The following ZNF684 variants were observed in gnomAD, a reference collection of about 807,000 sequenced individuals.
ZNF684 encodes the protein hypothetical protein MGC27466.
A neutral mutation model predicts 12.8 loss-of-function variants in ZNF684; 13 were observed. The ratio of observed to expected loss-of-function variants is 1.02; its 90% CI spans 0.66 to 1.62. The LOEUF is 1.62. Among genes scored for constraint, ZNF684 ranks in the 40% most tolerant of loss-of-function variants. The pLI, the probability that ZNF684 is intolerant of heterozygous loss-of-function variation, is 0.00. For missense variants in ZNF684, 384 were observed against 446.9 expected (o/e 0.86, Z 1.27); for synonymous variants, 118 against 151.8 (o/e 0.78, Z 1.64).
chr1:40,539,276 G>A (rs538768167), intron 2 of ZNF684, among the ~76,000 whole-genome samples: 4 of 152,124 alleles, frequency 2.6e-5, no homozygotes, highest in South Asian at 2.1e-4. Flanking sequence ...TGATCCACCT[G>A]CCTCGGCCTC....
At chr1:40,546,172 C>A (rs1416160632) in intron 4 of ZNF684, among the ~76,000 whole-genome samples, 1 of 152,160 alleles carries the variant, frequency 6.6e-6, no homozygotes. Flanking sequence ...CTGCCCGCCT[C>A]GGCCTGCCAA....
rs762649663 is a variant in ZNF684, at chr1:40,546,895, A to C, written c.572A>C (p.Asp191Ala). The change falls in exon 5 of 5, where the codon GAC (aspartate) becomes GCC (alanine). Residue 191 changes from aspartate to alanine, a missense_variant. Physicochemically the swap from Asp to Ala is moderately radical, Grantham distance 126. Coordinates refer to ENST00000372699, the MANE Select transcript of ZNF684 (RefSeq NM_152373.4). ...AGGAAAAAACCTTTTGAATGCAATG[A>C]CTGTGGAAAAGCCTATAGCAGGAAG... is the stretch of plus-strand genomic sequence containing the variant. ...HTRKKPFECNDCGKAYSRKAH... is the reference protein window; with the variant it reads ...HTRKKPFECNACGKAYSRKAH... The C allele has an allele frequency of 6.2e-7, 1 of 1,614,124 alleles. No homozygotes were observed. The highest frequency in any genetic ancestry group is 1.1e-5 in the South Asian group (1 of 91,010).
chr1:40,534,536 C>T (rs911838773), intron 2 of ZNF684, among the ~76,000 whole-genome samples: 10 of 151,852 alleles, frequency 6.6e-5, no homozygotes, highest in East Asian at 1.9e-4. Flanking sequence ...CCACCGCACC[C>T]GGCCCTTTTA....
In ZNF684 at chr1:40,541,611, A is replaced by G. The variant is rs1646016780; in HGVS notation, c.143-4A>G. ...CCACTTCTATGCTGTTTTCCCACCA[A>G]CAGGATGTCCAATTACCAAAACAAA... On this transcript the variant is annotated splice_region_variant and splice_polypyrimidine_tract_variant and intron_variant, in intron 3 of 4. Coordinates refer to ENST00000372699, the MANE Select transcript of ZNF684 (RefSeq NM_152373.4). The G allele has an allele frequency of 6.2e-7, 1 of 1,612,060 alleles. No individual in the cohort carries two copies. Among genetic ancestry groups the G allele is most frequent in the Non-Finnish European group, 8.5e-7 (1 of 1,178,772 alleles).
intron 2 of ZNF684, among the ~76,000 whole-genome samples, chr1:40,538,922 T>C (rs1205675847): frequency 6.6e-6 from 1 of 152,044 alleles, no homozygotes; most frequent in Non-Finnish European, 1.5e-5. Context: ...TACAGGTAGC[T>C]CATGCCTGTA....
Position 40,546,728 on chromosome 1 carries a change from G to A in ZNF684, c.405G>A (p.Ser135=), listed in dbSNP as rs369347564. The change falls in exon 5 of 5, where the codon TCG becomes TCA. Residue 135 remains serine (S), a synonymous_variant. Transcript: ENST00000372699. Reference sequence around the variant, plus strand: ...CAATGAGAAAAAAATCATATAAATCGTTTGAGAAGTGTTTGCCACCTAATT... The same window carrying A: ...CAATGAGAAAAAAATCATATAAATCATTTGAGAAGTGTTTGCCACCTAATT... ...LNPMRKKSYK[S]FEKCLPPNLD... 1.3e-4 allele frequency: 203 copies of A among 1,613,734 alleles called. No homozygotes were observed. Among genetic ancestry groups the A allele is most frequent in the Middle Eastern group, 3.3e-4 (2 of 6,084 alleles).
At chr1:40,539,856 A>C (rs1229604996) in intron 2 of ZNF684, among the ~76,000 whole-genome samples, 1 of 151,874 alleles carries the variant, frequency 6.6e-6, no homozygotes, top group Non-Finnish European at 1.5e-5. Flanking sequence ...ATCTATGTCT[A>C]TATCTATATA....
At chr1:40,542,209 A>T (rs552423684) in intron 4 of ZNF684, among the ~76,000 whole-genome samples, 1 of 152,350 alleles carries the variant, frequency 6.6e-6, no homozygotes, top group African/African-American at 2.4e-5. Flanking sequence ...ATATGAGGTA[A>T]TACATGCAAA....
At chr1:40,533,531 A>G (rs554595504) in intron 2 of ZNF684, among the ~76,000 whole-genome samples, 8 of 152,376 alleles carry the variant, frequency 5.3e-5, no homozygotes, top group African/African-American at 1.7e-4. Flanking sequence ...TTTCACATAG[A>G]TAACATTAGA....
intron 2 of ZNF684, among the ~76,000 whole-genome samples, chr1:40,536,389 G>A (rs1428652203): frequency 2.4e-5 from 3 of 125,550 alleles, no homozygotes; most frequent in African/African-American, 9.1e-5. Flanking sequence ...GCGAGACTCC[G>A]TCTCACAAAA....
At chr1:40,541,909 G>A (rs966978777) in intron 4 of ZNF684, among the ~76,000 whole-genome samples, 199 bp downstream of exon 4, 13 of 152,156 alleles carry the variant, frequency 8.5e-5, no homozygotes, top group African/African-American at 3.1e-4. Flanking sequence ...CTCAGCTGTT[G>A]TATGGAGGGT....
At chr1:40,542,943 GA>G (rs1439213274) in intron 4 of ZNF684, among the ~76,000 whole-genome samples, 1 of 152,184 alleles carries the variant, frequency 6.6e-6, no homozygotes. Context: ...TCTTTCAAAT[GA>G]TTGACACCAA....
chr1:40,545,835 ACT>A (rs1394675853), intron 4 of ZNF684, among the ~76,000 whole-genome samples: 1 of 150,584 alleles, frequency 6.6e-6, no homozygotes, highest in East Asian at 1.9e-4. Flanking sequence ...GATTTATATA[ACT>A]CTGCCTGTTA....
intron 2 of ZNF684, among the ~76,000 whole-genome samples, chr1:40,533,885 G>A (rs554370573): frequency 1.7e-4 from 25 of 147,168 alleles, no homozygotes; most frequent in Non-Finnish European, 3.0e-4. Context: ...GTACAATGGC[G>A]TGATCTCAGC....
intron 4 of ZNF684, among the ~76,000 whole-genome samples, chr1:40,543,256 C>T (rs998228837): frequency 2.0e-5 from 3 of 152,184 alleles, no homozygotes; most frequent in African/African-American, 7.2e-5. Context: ...TTAGATATTT[C>T]TACAAGATTT....
At chr1:40,541,102 T>C (rs1206085635) in intron 3 of ZNF684, among the ~76,000 whole-genome samples, 1 of 151,322 alleles carries the variant, frequency 6.6e-6, no homozygotes, top group Non-Finnish European at 1.5e-5. Flanking sequence ...GGGCCCTACA[T>C]TTTAGTTGTC....
At chr1:40,546,312 G>T (rs1646047200) in intron 4 of ZNF684, among the ~76,000 whole-genome samples, 1 of 152,146 alleles carries the variant, frequency 6.6e-6, no homozygotes, top group Non-Finnish European at 1.5e-5. Flanking sequence ...CCCTCGTTGA[G>T]CAGCCTTTTG....
rs766961863 is a variant in ZNF684, at chr1:40,547,344, C to T, written c.1021C>T (p.His341Tyr). The T allele has an allele frequency of 6.2e-7, 1 of 1,613,974 alleles. No individual in the cohort carries two copies. Among genetic ancestry groups the T allele is most frequent in the Middle Eastern group, 1.6e-4 (1 of 6,062 alleles). Residue 341 changes from histidine (H) to tyrosine (Y), a missense_variant, in exon 5 of 5, where the codon CAT becomes TAT. Coordinates refer to ENST00000372699, the MANE Select transcript of ZNF684 (RefSeq NM_152373.4). ...ECGKAFIKKS[H>Y]LLRHQITHTG... ...TGGCAAAGCCTTCATCAAGAAGTCC[C>T]ATCTCCTCAGACATCAGATAACTCA...
At chr1:40,544,348 TA>T in intron 4 of ZNF684, 1 of 416,606 alleles carries the variant, frequency 2.4e-6, no homozygotes, top group Non-Finnish European at 4.7e-6. Flanking sequence ...AAATAAAAAG[TA>T]AAAGTTTTGT....
Sources: gnomAD v4.1 joint callset for allele counts (sites outside exome capture counted in the v4.1 genomes callset) on GRCh38, gnomAD v4.1.1 for gene constraint, MANE v1.5 for transcripts, NCBI Gene and HGNC (gene_info 2026-07-23, HGNC 2026-07-21) for gene names.